IZUMO2: variants seen among roughly 807,000 people sequenced by gnomAD.
IZUMO2 encodes the protein IZUMO family member 2, also known as izumo sperm-egg fusion protein 2.
Under a neutral mutation model 31.2 loss-of-function variants are expected in IZUMO2, and 24 were observed. The ratio of observed to expected loss-of-function variants is 0.77; its 90% confidence interval spans 0.56 to 1.08. The LOEUF (loss-of-function observed/expected upper bound fraction) is 1.08, where lower values mean the gene tolerates loss of function less well. Ranked by LOEUF, IZUMO2 falls within the 50% of genes least tolerant of loss-of-function variation. The pLI, the probability that IZUMO2 is intolerant of heterozygous loss-of-function variation, is 0.00. For missense variants in IZUMO2, 278 were observed against 274.0 expected, an observed-to-expected ratio of 1.01 and a Z score of -0.10; for synonymous variants, 144 against 117.3, an observed-to-expected ratio of 1.23 and a Z score of -1.47.
Position 50,154,580 on chromosome 19 carries a change from AG to A in IZUMO2, c.623+19del. Reference sequence around the variant, plus strand: ...CAGTGGGTTCCACGGGGGACTGAGGAGGGGGCAAGGATGACTCACGAGACCA... The same window carrying A: ...CAGTGGGTTCCACGGGGGACTGAGGAGGGGCAAGGATGACTCACGAGACCA... On this transcript the variant is annotated intron_variant, in intron 6 of 6. Coordinates refer to ENST00000293405, the MANE Select transcript of IZUMO2 (RefSeq NM_152358.3). The A allele has an allele frequency of 6.2e-7, 1 of 1,613,262 alleles. No individual in the cohort carries two copies. The highest frequency in any genetic ancestry group is 1.1e-5 in the South Asian group (1 of 91,010).
rs1568437011 is a variant in IZUMO2, at chr19:50,154,685, T to C, written c.538A>G (p.Ser180Gly). Residue 180 changes from serine to glycine, a missense_variant, in exon 6 of 7, where the codon AGC (serine) becomes GGC (glycine). Transcript: ENST00000293405. Reference sequence around the variant, plus strand: ...AGCGCCTGGTTCCTCGGGTATTTGCTGTCCATCTGGTACTGCAGGGCCACG... The same window carrying C: ...AGCGCCTGGTTCCTCGGGTATTTGCCGTCCATCTGGTACTGCAGGGCCACG... ...PRVALQYQMDSKYPRNQALLG... is the reference protein window; with the variant it reads ...PRVALQYQMDGKYPRNQALLG... 2 of 1,613,996 alleles carry C rather than the reference T, an allele frequency of 1.2e-6. No individual in the cohort carries two copies. Among genetic ancestry groups the C allele is most frequent in the Non-Finnish European group, 1.7e-6 (2 of 1,179,964 alleles).
intron 5 of IZUMO2, among the ~76,000 whole-genome samples, chr19:50,155,256 G>C (rs1203494270): frequency 6.6e-6 from 1 of 152,132 alleles, no homozygotes; most frequent in Non-Finnish European, 1.5e-5. Flanking sequence ...AAATTAGCTA[G>C]GTATGGTGGC....
In IZUMO2 at chr19:50,163,030, G is replaced by A. The variant is rs367559452; in HGVS notation, c.165C>T (p.Ala55=). Reference sequence around the variant, plus strand: ...AAGGCCCCTCCATGCCCATCAGCACGGCCCCGGCGCGCGCCTGCAGCTGCT... The same window carrying A: ...AAGGCCCCTCCATGCCCATCAGCACAGCCCCGGCGCGCGCCTGCAGCTGCT... The part of the protein sequence containing the change: ...QLEQLQARAG[A]VLMGMEGPFF... The change falls in exon 1 of 7, where the codon GCC becomes GCT. Residue 55 remains alanine, a synonymous_variant. Coordinates refer to ENST00000293405, the MANE Select transcript of IZUMO2 (RefSeq NM_152358.3). 3.7e-5 allele frequency: 60 copies of A among 1,612,488 alleles called. No individual in the cohort carries two copies. In the African/African-American group the frequency reaches 6.8e-4, roughly 18 times the overall value.
chr19:50,154,456 G>T, intron 6 of IZUMO2, 144 bp downstream of exon 6: 1 of 683,930 alleles, frequency 1.5e-6, no homozygotes, highest in Non-Finnish European at 2.4e-6. Context: ...GGAGGAGAGA[G>T]ACAGAGAGAA....
chr19:50,152,790 T>C, intron 6 of IZUMO2, 139 bp from the exon 7 acceptor site: 1 of 739,804 alleles, frequency 1.4e-6, no homozygotes, highest in Non-Finnish European at 2.4e-6. Flanking sequence ...CATGGGCATC[T>C]GGGCAGATTT....
chr19:50,152,916 C>T (rs2030077455), intron 6 of IZUMO2, among the ~76,000 whole-genome samples: 1 of 152,070 alleles, frequency 6.6e-6, no homozygotes, highest in South Asian at 2.1e-4. Context: ...GAGACACAGG[C>T]AGAAATGGAG....
At chr19:50,159,723 G>T (rs562576841) in intron 2 of IZUMO2, 143 bp from the exon 3 acceptor site, 1 of 614,964 alleles carries the variant, frequency 1.6e-6, no homozygotes, top group South Asian at 2.0e-5. Context: ...GGGTCCCCCA[G>T]GCAAATCTAT....
chr19:50,162,736 T>C lies in IZUMO2; in HGVS notation c.307+3A>G, dbSNP rs1247506152. ...GGAGAAGGCGTTCCCTCGTCTCTCC[T>C]ACCTTTCAGAGAGTTACCCATTAAG... On this transcript the variant is annotated splice_donor_region_variant and intron_variant, in intron 2 of 6. Transcript: ENST00000293405. 2 of 1,612,808 alleles carry C rather than the reference T, an allele frequency of 1.2e-6. No homozygotes were observed. The highest frequency in any genetic ancestry group is 1.7e-6 in the Non-Finnish European group (2 of 1,178,896).
intron 6 of IZUMO2, among the ~76,000 whole-genome samples, chr19:50,153,217 T>C (rs1237772194): frequency 6.6e-6 from 1 of 152,124 alleles, no homozygotes; most frequent in Non-Finnish European, 1.5e-5. Flanking sequence ...AGCTAAGGAA[T>C]GCCAGCAGCC....
chr19:50,154,264 G>GTTTTTTTTT (rs71180675), intron 6 of IZUMO2, among the ~76,000 whole-genome samples: 1 of 79,288 alleles, frequency 1.3e-5, no homozygotes, highest in Non-Finnish European at 2.5e-5. Context: ...AACTTTTAGC[G>GTTTTTTTTT]TTTTTTTTTT....
At chr19:50,157,183 C>T (rs2030237278) in intron 5 of IZUMO2, among the ~76,000 whole-genome samples, 2 of 151,992 alleles carry the variant, frequency 1.3e-5, no homozygotes, top group African/African-American at 4.8e-5. Flanking sequence ...AGGAAGTGAC[C>T]TTTGAGACCC....
chr19:50,156,191 G>C (rs991235727), intron 5 of IZUMO2, among the ~76,000 whole-genome samples: 1 of 152,078 alleles, frequency 6.6e-6, no homozygotes, highest in Non-Finnish European at 1.5e-5. Context: ...TCTCAATCTG[G>C]GATAATTTTG....
At chr19:50,154,083 C>T (rs2030121560) in intron 6 of IZUMO2, among the ~76,000 whole-genome samples, 1 of 149,918 alleles carries the variant, frequency 6.7e-6, no homozygotes, top group Non-Finnish European at 1.5e-5. Flanking sequence ...GTGAGGGCCA[C>T]TTCCTCCCTA....
chr19:50,161,126 CTTTT>C (rs398040395), intron 2 of IZUMO2, among the ~76,000 whole-genome samples: 1 of 139,674 alleles, frequency 7.2e-6, no homozygotes, highest in African/African-American at 2.6e-5. Context: ...TTTCCTTTTT[CTTTT>C]TTTTTTTTTT....
At position 50,156,655 on chromosome 19, in the gene IZUMO2, T is replaced by A. The variant is rs116794545; in HGVS notation, c.496+1613A>T. On this transcript the variant is annotated intron_variant, in intron 5 of 6. Transcript: ENST00000293405. ...AGAAACTGTTCTAGGCCGGGTGCAG[T>A]GACTCATGCCTGTAATCCCAGCACT... is the stretch of plus-strand genomic sequence containing the variant. 4.8e-3 allele frequency among the ~76,000 whole-genome samples: 721 copies of A among 150,336 alleles called. 8 individuals carry two copies. Among genetic ancestry groups the A allele is most frequent in the African/African-American group, 0.017 (694 of 40,986 alleles).
At chr19:50,153,044 G>A (rs893894254) in intron 6 of IZUMO2, among the ~76,000 whole-genome samples, 1 of 152,140 alleles carries the variant, frequency 6.6e-6, no homozygotes, top group African/African-American at 2.4e-5. Flanking sequence ...GACCTTAATT[G>A]GAAACACGGT....
chr19:50,162,892 G>A (rs1301954637), intron 1 of IZUMO2, 71 bp downstream of exon 1: 8 of 1,602,912 alleles, frequency 5.0e-6, no homozygotes, highest in Non-Finnish European at 6.8e-6. Flanking sequence ...GCCTGGCCCC[G>A]ACCCCTCTTG....
chr19:50,158,657 C>A (rs1019431677), intron 4 of IZUMO2, among the ~76,000 whole-genome samples: 2 of 152,150 alleles, frequency 1.3e-5, no homozygotes, highest in Non-Finnish European at 2.9e-5. Context: ...TTTGCAGACA[C>A]TGGTGAGATG....
intron 6 of IZUMO2, chr19:50,153,777 T>G (rs2030106487): frequency 6.9e-6 from 1 of 145,168 alleles, no homozygotes; most frequent in South Asian, 2.2e-4. Flanking sequence ...GCCATTGCAC[T>G]CCAGCTTGGG....
Sources: gnomAD v4.1 joint callset for allele counts (sites outside exome capture counted in the v4.1 genomes callset) on GRCh38, gnomAD v4.1.1 for gene constraint, MANE v1.5 for transcripts, NCBI Gene and HGNC (gene_info 2026-07-23, HGNC 2026-07-21) for gene names.